TTBK2: variants seen among roughly 807,000 people sequenced by gnomAD.
The protein encoded by TTBK2 is tau-tubulin kinase 2.
In TTBK2, 28 loss-of-function variants were observed where a neutral mutation model predicts 110.8. The ratio of observed to expected loss-of-function variants is 0.25; its 90% CI spans 0.19 to 0.35. The LOEUF is 0.35. Among genes scored for constraint, TTBK2 ranks in the 10% least tolerant of loss-of-function variants. The pLI, the probability that TTBK2 is intolerant of heterozygous loss-of-function variation, is 1.00. For missense variants in TTBK2, 1,369 were observed against 1,500.3 expected, an observed-to-expected ratio of 0.91 and a Z score of 1.45; for synonymous variants, 532 against 527.3, an observed-to-expected ratio of 1.01 and a Z score of -0.12.
intron 13 of TTBK2, among the ~76,000 whole-genome samples, chr15:42,774,436 G>T (rs1190135688): frequency 6.6e-6 from 1 of 152,182 alleles, no homozygotes; most frequent in Non-Finnish European, 1.5e-5. Flanking sequence ...ACTGGTAACA[G>T]GATAACAGGC....
chr15:42,741,207 G>A lies in TTBK2; in HGVS notation c.*4588C>T, dbSNP rs1049505084. The A allele has an allele frequency of 2.0e-5, 3 of 152,216 alleles. No homozygotes were observed. The highest frequency in any genetic ancestry group is 6.5e-5 in the Admixed American group (1 of 15,280). 9.4% of individuals were successfully genotyped at this position (152,216 alleles called of 1,614,324 possible). On this transcript the variant is annotated 3_prime_UTR_variant, in exon 15 of 15. Transcript: ENST00000267890. ...TTCCTTATCCTCAAGGCACACACCA[G>A]AGTTCCACTGGGTGAGGACAGGGAA... is the stretch of plus-strand genomic sequence containing the variant.
In TTBK2 at chr15:42,779,839, G is replaced by A. The variant is rs992504399; in HGVS notation, c.1198-2597C>T. 7.2e-5 allele frequency among the ~76,000 whole-genome samples: 11 copies of A among 152,048 alleles called. No individual in the cohort carries two copies. In the South Asian group the frequency reaches 1.2e-3, roughly 17 times the overall value. On this transcript the variant is annotated intron_variant, in intron 11 of 14. Transcript: ENST00000267890. ...CTACCAAAAATACAAAAAATTAGTC[G>A]GGTGTGGTGGCACGTGCCTGTACTC...
rs2061749749 is a variant in TTBK2 at position 42,741,320 on chromosome 15, T to A, written c.*4475A>T. 1 of 152,152 alleles carries A rather than the reference T, an allele frequency of 6.6e-6. No individual in the cohort carries two copies. Among genetic ancestry groups the A allele is most frequent in the African/African-American group, 2.4e-5 (1 of 41,442 alleles). 9.4% of individuals were successfully genotyped at this position (152,152 alleles called of 1,614,324 possible). On this transcript the variant is annotated 3_prime_UTR_variant, in exon 15 of 15. Coordinates refer to ENST00000267890, the MANE Select transcript of TTBK2 (RefSeq NM_173500.4). ...TTGGAACTGCCTTTAGTTCTCTAAG[T>A]AAAGGTCTAAAAATGCACCTGTGGT...
At chr15:42,765,332 G>C (rs935461931) in intron 13 of TTBK2, among the ~76,000 whole-genome samples, 10 of 152,190 alleles carry the variant, frequency 6.6e-5, no homozygotes, top group Non-Finnish European at 1.2e-4. Flanking sequence ...GCTAAAGGAG[G>C]ATGTTTGAAC....
intron 3 of TTBK2, among the ~76,000 whole-genome samples, chr15:42,851,026 C>T (rs574151820): frequency 1.3e-5 from 2 of 151,272 alleles, no homozygotes; most frequent in African/African-American, 2.4e-5. Flanking sequence ...GAAATTGAGA[C>T]CATCCTGGCT....
chr15:42,890,500 G>A (rs1358542841), intron 1 of TTBK2, among the ~76,000 whole-genome samples: 1 of 152,160 alleles, frequency 6.6e-6, no homozygotes, highest in East Asian at 1.9e-4. Flanking sequence ...AAACCAGTAA[G>A]CATAAATGAA....
chr15:42,902,377 G>A (rs1264648639), intron 1 of TTBK2, among the ~76,000 whole-genome samples: 3 of 151,438 alleles, frequency 2.0e-5, no homozygotes, highest in South Asian at 4.2e-4. Context: ...AAAATTAGCC[G>A]GGCATGATGG....
At chr15:42,885,637 G>A (rs555318029) in intron 1 of TTBK2, among the ~76,000 whole-genome samples, 7 of 152,218 alleles carry the variant, frequency 4.6e-5, no homozygotes, top group South Asian at 2.1e-4. Flanking sequence ...AGCAAGCACC[G>A]CCTTTCTGGG....
intron 9 of TTBK2, among the ~76,000 whole-genome samples, chr15:42,806,423 G>A (rs1350366594): frequency 6.6e-6 from 1 of 152,146 alleles, no homozygotes; most frequent in African/African-American, 2.4e-5. Flanking sequence ...AGCACAAATT[G>A]GATCACCATG....
chr15:42,801,588 C>A (rs775444356), intron 9 of TTBK2: 11 of 777,244 alleles, frequency 1.4e-5, no homozygotes, highest in South Asian at 1.3e-4. Context: ...TCAGCCTCAG[C>A]CTGGCTGCGG....
At chr15:42,875,606 G>A (rs900305389) in intron 2 of TTBK2, among the ~76,000 whole-genome samples, 6 of 152,104 alleles carry the variant, frequency 3.9e-5, no homozygotes, top group Admixed American at 3.3e-4. Flanking sequence ...TAGCTACCAT[G>A]TAAGAAATGG....
chr15:42,786,537 C>A (rs1328158362), intron 10 of TTBK2, among the ~76,000 whole-genome samples: 1 of 152,122 alleles, frequency 6.6e-6, no homozygotes, highest in Admixed American at 6.5e-5. Flanking sequence ...TTATGTCTAG[C>A]CACTATTCTG....
intron 13 of TTBK2, among the ~76,000 whole-genome samples, chr15:42,760,961 G>A (rs2062016924): frequency 1.3e-5 from 2 of 152,180 alleles, no homozygotes; most frequent in Admixed American, 1.3e-4. Flanking sequence ...AACCAAAACA[G>A]CATGGTACTG....
chr15:42,793,864 G>C (rs537740680), intron 10 of TTBK2, among the ~76,000 whole-genome samples: 8 of 151,786 alleles, frequency 5.3e-5, no homozygotes, highest in Non-Finnish European at 1.2e-4. Context: ...AAAAGCAATG[G>C]ATGAGTGGTA....
At chr15:42,760,832 A>G (rs2062015531) in intron 13 of TTBK2, among the ~76,000 whole-genome samples, 1 of 152,222 alleles carries the variant, frequency 6.6e-6, no homozygotes, top group South Asian at 2.1e-4. Context: ...TTGCAGAAAT[A>G]GAAAAACAAT....
intron 10 of TTBK2, among the ~76,000 whole-genome samples, chr15:42,784,601 T>G (rs1293480560): frequency 6.6e-6 from 1 of 152,188 alleles, no homozygotes; most frequent in Non-Finnish European, 1.5e-5. Flanking sequence ...TTAAAAATTC[T>G]AAACAGGAAA....
At chr15:42,758,314 T>C (rs528126804) in intron 13 of TTBK2, among the ~76,000 whole-genome samples, 3 of 152,292 alleles carry the variant, frequency 2.0e-5, no homozygotes, top group Non-Finnish European at 4.4e-5. Flanking sequence ...AATTCTACCA[T>C]AGACCTTTTT....
intron 3 of TTBK2, among the ~76,000 whole-genome samples, chr15:42,856,453 G>A (rs1350994887): frequency 6.6e-6 from 1 of 152,146 alleles, no homozygotes; most frequent in African/African-American, 2.4e-5. Context: ...ATAATGCAAT[G>A]TGCCTGCCTT....
At chr15:42,751,871 C>A (rs999189967) in intron 14 of TTBK2, 103 bp downstream of exon 14, 32 of 1,399,406 alleles carry the variant, frequency 2.3e-5, no homozygotes, top group South Asian at 5.8e-5. Context: ...AAGAAAGATA[C>A]TGAGAAGGGG....
Sources: allele counts gnomAD v4.1 joint callset (sites outside exome capture counted in the v4.1 genomes callset), GRCh38; gene constraint gnomAD v4.1.1; transcripts MANE v1.5; gene names NCBI Gene and HGNC (gene_info 2026-07-23, HGNC 2026-07-21).